STXBP5L: variants seen among roughly 807,000 people sequenced by gnomAD.
The protein encoded by STXBP5L is syntaxin-binding protein 5-like.
STXBP5L carries 65 observed loss-of-function variants against 144.5 expected under a neutral mutation model. The ratio of observed to expected loss-of-function variants is 0.45; its 90% CI spans 0.37 to 0.55. The LOEUF is 0.55. STXBP5L is among the 20% of genes least tolerant of loss of function. The pLI, the probability that STXBP5L is intolerant of heterozygous loss-of-function variation, is 0.00. For missense variants in STXBP5L, 1,298 were observed against 1,405.5 expected, an observed-to-expected ratio of 0.92 and a Z score of 1.22; for synonymous variants, 505 against 469.6, an observed-to-expected ratio of 1.08 and a Z score of -0.97.
intron 3 of STXBP5L, among the ~76,000 whole-genome samples, chr3:120,979,957 C>T (rs918410323): frequency 2.6e-5 from 4 of 152,066 alleles, no homozygotes; most frequent in African/African-American, 9.7e-5. Context: ...ATTTAAATTC[C>T]TAGCCTAATT....
At chr3:121,016,640 A>ATGTGCGT (rs1411436858) in intron 3 of STXBP5L, among the ~76,000 whole-genome samples, 1 of 152,176 alleles carries the variant, frequency 6.6e-6, no homozygotes, top group Non-Finnish European at 1.5e-5. Flanking sequence ...TGTAACATAG[A>ATGTGCGT]TGTGCGTTTG....
intron 3 of STXBP5L, among the ~76,000 whole-genome samples, chr3:121,021,634 A>G (rs1273996662): frequency 6.6e-6 from 1 of 152,142 alleles, no homozygotes; most frequent in Non-Finnish European, 1.5e-5. Flanking sequence ...CATGCAAATA[A>G]TGGAAATTAA....
intron 24 of STXBP5L, among the ~76,000 whole-genome samples, chr3:121,414,643 G>C (rs1349063416): frequency 6.6e-6 from 1 of 152,206 alleles, no homozygotes; most frequent in East Asian, 1.9e-4. Flanking sequence ...AGAAGTAGTG[G>C]CATGCAAAAG....
intron 20 of STXBP5L, among the ~76,000 whole-genome samples, chr3:121,327,799 A>G (rs931400007): frequency 5.3e-5 from 8 of 152,200 alleles, no homozygotes; most frequent in African/African-American, 1.9e-4. Context: ...TTTCCTGACA[A>G]TTTGCCCAGA....
intron 9 of STXBP5L, among the ~76,000 whole-genome samples, chr3:121,200,022 CTTT>C (rs2048077477): frequency 6.6e-6 from 1 of 152,052 alleles, no homozygotes; most frequent in Non-Finnish European, 1.5e-5. Context: ...AGGAGTGCCT[CTTT>C]TTCTTTTGTT....
chr3:120,954,511 T>G (rs1392662197), intron 2 of STXBP5L, among the ~76,000 whole-genome samples: 1 of 152,144 alleles, frequency 6.6e-6, no homozygotes, highest in Non-Finnish European at 1.5e-5. Context: ...TTTAGTAGTA[T>G]TCCATTGTAT....
intron 3 of STXBP5L, among the ~76,000 whole-genome samples, chr3:120,979,415 G>T (rs1348227240): frequency 1.3e-5 from 2 of 152,166 alleles, no homozygotes; most frequent in South Asian, 2.1e-4. Context: ...GCAGTATTAG[G>T]GTGGGCGTGA....
intron 18 of STXBP5L, among the ~76,000 whole-genome samples, chr3:121,265,660 T>C (rs1282228016): frequency 1.3e-5 from 2 of 151,920 alleles, no homozygotes. Context: ...GGAAAACCCT[T>C]CAGAAAATCA....
At chr3:121,283,099 T>C (rs183840653) in intron 19 of STXBP5L, among the ~76,000 whole-genome samples, 77 of 148,818 alleles carry the variant, frequency 5.2e-4, no homozygotes, top group Non-Finnish European at 1.0e-3. Flanking sequence ...TGTTAATATA[T>C]TCTGTTAAAA....
chr3:121,006,223 A>C (rs148204523), intron 3 of STXBP5L, among the ~76,000 whole-genome samples: 6,057 of 152,222 alleles, frequency 0.04, 170 homozygotes, highest in Middle Eastern at 0.082. Context: ...TTGCTTTGTG[A>C]ATCTGGGTGC....
chr3:121,093,557 C>T (rs551928716), intron 5 of STXBP5L, among the ~76,000 whole-genome samples: 4 of 152,264 alleles, frequency 2.6e-5, no homozygotes, highest in South Asian at 2.1e-4. Context: ...AGTTTATTTG[C>T]GTAGAGCTGT....
At chr3:121,086,292 A>T (rs1415639910) in intron 5 of STXBP5L, among the ~76,000 whole-genome samples, 7 of 152,116 alleles carry the variant, frequency 4.6e-5, no homozygotes, top group Admixed American at 6.6e-5. Flanking sequence ...ATTTTTAAAA[A>T]TTTTATTGTG....
chr3:121,184,688 A>G (rs1314937171), intron 9 of STXBP5L, among the ~76,000 whole-genome samples: 4 of 152,192 alleles, frequency 2.6e-5, no homozygotes, highest in African/African-American at 9.7e-5. Context: ...AGACAGGCCA[A>G]CATTCAAATT....
chr3:121,180,050 A>G (rs750610722), intron 9 of STXBP5L, among the ~76,000 whole-genome samples: 12 of 152,214 alleles, frequency 7.9e-5, no homozygotes, highest in Non-Finnish European at 1.2e-4. Flanking sequence ...CGGCCTTACT[A>G]GAGATCTAGA....
intron 20 of STXBP5L, among the ~76,000 whole-genome samples, chr3:121,349,565 T>C (rs2045178021): frequency 6.6e-6 from 1 of 152,214 alleles, no homozygotes; most frequent in South Asian, 2.1e-4. Context: ...GGTGTTAAAG[T>C]CTCTCATTAT....
chr3:121,212,054 T>C (rs1363875908), intron 10 of STXBP5L, among the ~76,000 whole-genome samples: 2 of 152,198 alleles, frequency 1.3e-5, no homozygotes, highest in African/African-American at 4.8e-5. Context: ...AACTTTTAGA[T>C]GAGGTTGTTT....
chr3:121,313,192 C>T (rs1428432775), intron 19 of STXBP5L, among the ~76,000 whole-genome samples: 29 of 140,280 alleles, frequency 2.1e-4, no homozygotes, highest in South Asian at 1.1e-3. Flanking sequence ...ACCTCCCGGA[C>T]GGGGCGGCCG....
chr3:120,979,448 G>T (rs563622263), intron 3 of STXBP5L, among the ~76,000 whole-genome samples: 7 of 152,304 alleles, frequency 4.6e-5, no homozygotes, highest in African/African-American at 1.7e-4. Flanking sequence ...GGTGCCGTCT[G>T]TCACCCCTTT....
At chr3:120,970,287 A>G (rs1030885204) in intron 3 of STXBP5L, among the ~76,000 whole-genome samples, 1 of 152,078 alleles carries the variant, frequency 6.6e-6, no homozygotes, top group African/African-American at 2.4e-5. Context: ...AGTGAATTTT[A>G]CACCTTCAAA....
Sources: allele counts gnomAD v4.1 joint callset (sites outside exome capture counted in the v4.1 genomes callset), GRCh38; gene constraint gnomAD v4.1.1; transcripts MANE v1.5; gene names NCBI Gene and HGNC (gene_info 2026-07-23, HGNC 2026-07-21).